Variants in GALNT9 observed in about 807,000 individuals in gnomAD.
GALNT9 encodes the protein polypeptide N-acetylgalactosaminyltransferase 9, also known as GalNAc transferase 9.
GALNT9 carries 47 observed loss-of-function variants against 63.1 expected under a neutral mutation model. The observed-to-expected ratio is 0.75, with a 90% CI of 0.59 to 0.95. The LOEUF is 0.95. Among genes scored for constraint, GALNT9 ranks in the 40% least tolerant of loss-of-function variants. The pLI is 0.00. For missense variants in GALNT9, 829 were observed against 874.8 expected (o/e 0.95, Z 0.66); for synonymous variants, 396 against 365.7 (o/e 1.08, Z -0.94).
intron 6 of GALNT9, among the ~76,000 whole-genome samples, chr12:132,217,970 C>G (rs893427462): frequency 1.3e-5 from 2 of 151,126 alleles, no homozygotes; most frequent in African/African-American, 2.5e-5. Context: ...ATCTACCCAC[C>G]CACTCACCAC....
chr12:132,303,077 GTC>G (rs58703305), intron 1 of GALNT9, among the ~76,000 whole-genome samples: 54,422 of 150,744 alleles, frequency 0.36, 10,318 homozygotes, highest in Middle Eastern at 0.55. Context: ...CCCTCTGTCT[GTC>G]TCTCTCTCGG....
At chr12:132,257,505 CAT>C (rs1879173765) in intron 5 of GALNT9, among the ~76,000 whole-genome samples, 182 bp downstream of exon 5, 1 of 21,588 alleles carries the variant, frequency 4.6e-5, no homozygotes, top group African/African-American at 1.2e-4. Context: ...CTCATGCCCT[CAT>C]CCCCACGCCC....
intron 2 of GALNT9, among the ~76,000 whole-genome samples, chr12:132,285,275 A>G (rs892205062): frequency 1.3e-5 from 2 of 152,250 alleles, no homozygotes; most frequent in Non-Finnish European, 2.9e-5. Flanking sequence ...CTGCAGGACA[A>G]TGCCACCAGG....
chr12:132,261,019 C>A lies in GALNT9; in HGVS notation c.690G>T (p.Leu230=), dbSNP rs1464175098. Residue 230 remains leucine (L), a synonymous_variant, in exon 4 of 11, where the codon CTG becomes CTT. Transcript: ENST00000328957. ...GGGCGGTGGCCGCCTTCCAGCCCTG[C>A]AGCCGCGCGCGGATCAGTCCTTCCC... ...SRREGLIRAR[L]QGWKAATAPV... is the part of the protein sequence containing the mutation. 7 of 1,550,238 alleles carry A rather than the reference C, an allele frequency of 4.5e-6. No homozygotes were observed. In the Admixed American group the frequency reaches 1.2e-4, roughly 26 times the overall value.
intron 9 of GALNT9, 60 bp downstream of exon 9, chr12:132,199,114 G>T: frequency 8.9e-7 from 1 of 1,118,894 alleles, no homozygotes; most frequent in Non-Finnish European, 1.3e-6. Context: ...AGGGTGTAGG[G>T]TCCGGGTGGC....
At chr12:132,217,259 A>G (rs1877241097) in intron 6 of GALNT9, among the ~76,000 whole-genome samples, 1 of 132,596 alleles carries the variant, frequency 7.5e-6, no homozygotes, top group African/African-American at 2.9e-5. Context: ...CCACCCATCC[A>G]TCCATTCACT....
intron 2 of GALNT9, among the ~76,000 whole-genome samples, chr12:132,267,809 A>ACACATGCACT (rs1442626083): frequency 6.7e-6 from 1 of 149,532 alleles, no homozygotes; most frequent in Non-Finnish European, 1.5e-5. Flanking sequence ...ACGCACTCAC[A>ACACATGCACT]CACGCACTCA....
At chr12:132,216,944 G>A (rs1244922806) in intron 6 of GALNT9, among the ~76,000 whole-genome samples, 1 of 152,208 alleles carries the variant, frequency 6.6e-6, no homozygotes, top group East Asian at 1.9e-4. Flanking sequence ...CGAACTGTGT[G>A]TTTCCTTTTG....
At chr12:132,270,762 A>T (rs1418249800) in intron 2 of GALNT9, among the ~76,000 whole-genome samples, 10 of 152,160 alleles carry the variant, frequency 6.6e-5, no homozygotes, top group Admixed American at 5.9e-4. Flanking sequence ...GATGCCAGGA[A>T]ATGTGGTCTT....
Position 132,238,663 on chromosome 12 carries a change from C to T in GALNT9, c.1077+9247G>A, listed in dbSNP as rs2136896184. ...GTGTGAGTCTCACATCCATCTGCTG[C>T]GTGGCCCTGGGCAGGTCACTCAGCC... On this transcript the variant is annotated intron_variant, in intron 6 of 10. Transcript: ENST00000328957. The surrounding 1 kb of genome is among the most constrained non-coding windows in gnomAD (Gnocchi z 6.5). Among the ~76,000 whole-genome samples the T allele has an allele frequency of 1.3e-5, 2 of 152,102 alleles. No homozygotes were observed. The highest frequency in any genetic ancestry group is 4.8e-5 in the African/African-American group (2 of 41,392).
In GALNT9 at chr12:132,315,696, C is replaced by G. The variant is rs1868479225; in HGVS notation, c.238+13270G>C. Reference sequence around the variant, plus strand: ...AGTTCGGATCCCAGTTCTGCCATTACCAGGCTGCGCATCCACACTCAGCCC... The same window carrying G: ...AGTTCGGATCCCAGTTCTGCCATTAGCAGGCTGCGCATCCACACTCAGCCC... On this transcript the variant is annotated intron_variant, in intron 1 of 10. Coordinates refer to ENST00000328957, the MANE Select transcript of GALNT9 (RefSeq NM_001122636.2). The surrounding 1 kb of genome is among the most constrained non-coding windows in gnomAD (Gnocchi z 6.1). Among the ~76,000 whole-genome samples, 1 of 152,172 alleles carries G rather than the reference C, an allele frequency of 6.6e-6. No individual in the cohort carries two copies. The highest frequency in any genetic ancestry group is 2.1e-4 in the South Asian group (1 of 4,826).
intron 6 of GALNT9, among the ~76,000 whole-genome samples, chr12:132,226,484 C>T (rs966290855): frequency 2.7e-5 from 4 of 145,850 alleles, no homozygotes; most frequent in East Asian, 2.1e-4. Context: ...TACACATGCA[C>T]GCCACACATA....
chr12:132,203,480 G>A lies in GALNT9; in HGVS notation c.1263+25C>T, dbSNP rs181497977. ...GACCCCGACCCTGGGGCATGGCCCCGGCTCCCGGCCTGTGGGGGACTCACC... is the reference window on the plus strand; with the variant it reads ...GACCCCGACCCTGGGGCATGGCCCCAGCTCCCGGCCTGTGGGGGACTCACC... On this transcript the variant is annotated intron_variant, in intron 7 of 10. Coordinates refer to ENST00000328957, the MANE Select transcript of GALNT9 (RefSeq NM_001122636.2). The A allele has an allele frequency of 2.1e-5, 34 of 1,610,996 alleles. 1 individual carries two copies. The highest frequency in any genetic ancestry group is 9.9e-5 in the South Asian group (9 of 90,778).
intron 5 of GALNT9, among the ~76,000 whole-genome samples, chr12:132,256,151 T>G (rs1879101738): frequency 6.6e-6 from 1 of 152,166 alleles, no homozygotes; most frequent in Non-Finnish European, 1.5e-5. Context: ...GACCCCTGGG[T>G]GACCCCATCC....
chr12:132,209,933 C>T (rs77940030), intron 6 of GALNT9, among the ~76,000 whole-genome samples: 4,916 of 152,320 alleles, frequency 0.032, 252 homozygotes, highest in African/African-American at 0.11. Context: ...CATTTCTTTA[C>T]TTCTCTAATA....
chr12:132,329,273 C>G lies in GALNT9; in HGVS notation c.-70G>C. On this transcript the variant is annotated 5_prime_UTR_variant, in exon 1 of 11. Transcript: ENST00000328957. ...ATCCCCGCCCGGGCCTGGGCTTCAG[C>G]TTCGGCTTCGGGGACCATGAGCCGC... 6.7e-7 allele frequency: 1 copy of G among 1,493,444 alleles called. No homozygotes were observed. Among genetic ancestry groups the G allele is most frequent in the Non-Finnish European group, 9.0e-7 (1 of 1,117,144 alleles). 92.5% of individuals were successfully genotyped at this position (1,493,444 alleles called of 1,614,324 possible).
At chr12:132,325,241 G>A (rs1273922389) in intron 1 of GALNT9, among the ~76,000 whole-genome samples, 1 of 152,222 alleles carries the variant, frequency 6.6e-6, no homozygotes, top group African/African-American at 2.4e-5. Context: ...TGTCTCTTAA[G>A]TTCATTTAAA....
At chr12:132,322,658 C>T (rs1421040557) in intron 1 of GALNT9, among the ~76,000 whole-genome samples, 1 of 152,126 alleles carries the variant, frequency 6.6e-6, no homozygotes, top group East Asian at 1.9e-4. Flanking sequence ...CGTCCCCAGG[C>T]ATGGGAGGGG....
At chr12:132,199,054 C>G in intron 9 of GALNT9, 120 bp downstream of exon 9, 1 of 646,520 alleles carries the variant, frequency 1.5e-6, no homozygotes, top group East Asian at 2.8e-5. Flanking sequence ...TGGAATGCAG[C>G]CCTGGTGGCC....
Sources: gnomAD v4.1 joint callset for allele counts (sites outside exome capture counted in the v4.1 genomes callset) on GRCh38, gnomAD v4.1.1 for gene constraint, Gnocchi (gnomAD v3.1) non-coding constraint, MANE v1.5 for transcripts, NCBI Gene and HGNC (gene_info 2026-07-23, HGNC 2026-07-21) for gene names.